Variants in GOLGA8A observed in about 807,000 individuals in gnomAD.
GOLGA8A encodes golgin A8 family member A, also known as golgin subfamily A member 8A.
Under a neutral mutation model 22.1 loss-of-function variants are expected in GOLGA8A, and 3 were observed. That is an observed-to-expected ratio of 0.14 (90% confidence interval 0.06 to 0.35). The LOEUF (loss-of-function observed/expected upper bound fraction) is 0.35. Ranked by LOEUF, GOLGA8A falls within the 10% of genes least tolerant of loss-of-function variation. The pLI, the probability that GOLGA8A is intolerant of heterozygous loss-of-function variation, is 1.00. For synonymous variants in GOLGA8A, 7 were observed against 91.7 expected (o/e 0.08, Z 5.28); for missense variants, 16 against 233.2 (o/e 0.07, Z 6.07).
intron 2 of GOLGA8A, among the ~76,000 whole-genome samples, chr15:34,433,624 C>G (rs1893355136): frequency 6.7e-6 from 1 of 148,776 alleles, no homozygotes; most frequent in Non-Finnish European, 1.5e-5. Flanking sequence ...CTCTGGGACT[C>G]GGGAAAAGGA....
chr15:34,427,188 G>A (rs143387709), intron 2 of GOLGA8A, among the ~76,000 whole-genome samples: 12,377 of 146,952 alleles, frequency 0.084, 1,461 homozygotes, highest in South Asian at 0.24. Flanking sequence ...AAAGTTAGCC[G>A]GGAGTGGTGG....
At chr15:34,431,301 A>ATATATATATATATATAT (rs1893224938) in intron 2 of GOLGA8A, among the ~76,000 whole-genome samples, 1 of 10,872 alleles carries the variant, frequency 9.2e-5, no homozygotes, top group Non-Finnish European at 2.5e-4. Flanking sequence ...TTATATATAT[A>ATATATATATATATATAT]TATATATATA....
chr15:34,381,584 C>G lies in GOLGA8A; in HGVS notation c.1639G>C (p.Val547Leu). The change falls in exon 25 of 25, where the codon GTG becomes CTG. Residue 547 changes from valine (V) to leucine (L), a missense_variant. Coordinates refer to ENST00000359187, the MANE Select transcript of GOLGA8A (RefSeq NM_181077.5). ...CTGGCTTCTCCTTGTGCAGGCTCCA[C>G]GCTGTTGGTGAGGCTCGCCTCACAA... Reference protein sequence around the residue: ...DLCEASLTNSVEPAQGEAREG... With the variant: ...DLCEASLTNSLEPAQGEAREG... 1 of 1,569,826 alleles carries G rather than the reference C, an allele frequency of 6.4e-7. No homozygotes were observed. Among genetic ancestry groups the G allele is most frequent in the African/African-American group, 1.3e-5 (1 of 74,382 alleles).
chr15:34,428,372 G>T (rs1476770020), intron 2 of GOLGA8A, among the ~76,000 whole-genome samples: 2 of 148,484 alleles, frequency 1.3e-5, no homozygotes, highest in Admixed American at 1.4e-4. Context: ...TGGGATTACA[G>T]CATGAACCAC....
chr15:34,408,675 C>T (rs1372316040), intron 2 of GOLGA8A, among the ~76,000 whole-genome samples: 2 of 129,942 alleles, frequency 1.5e-5, no homozygotes, highest in Non-Finnish European at 3.5e-5. Context: ...CTTGGGTCAG[C>T]ACCGCCTCCT....
In GOLGA8A at chr15:34,386,137, G is replaced by A. The variant is rs1159396025; in HGVS notation, c.286-359C>T. On this transcript the variant is annotated intron_variant, in intron 12 of 24. Coordinates refer to ENST00000359187, the MANE Select transcript of GOLGA8A (RefSeq NM_181077.5). ...GGGCCAGGGATGGTTCTTCACAGCC[G>A]ATATAGGATGGAAAAGAACAGACAA... Among the ~76,000 whole-genome samples the A allele has an allele frequency of 3.4e-5, 5 of 148,118 alleles. No homozygotes were observed. In the East Asian group the frequency reaches 5.8e-4, roughly 17 times the overall value.
rs1892030235 is a variant in GOLGA8A at position 34,400,752 on chromosome 15, A to G, written c.-567T>C. On this transcript the variant is annotated 5_prime_UTR_variant, in exon 6 of 25. Transcript: ENST00000359187. ...GGAAGACAACCCAGTTGACAACGACAACAGTTTCTATGATAACAAAAGTGA... is the reference window on the plus strand; with the variant it reads ...GGAAGACAACCCAGTTGACAACGACGACAGTTTCTATGATAACAAAAGTGA... 1 of 146,784 alleles carries G rather than the reference A, an allele frequency of 6.8e-6. No individual in the cohort carries two copies. The highest frequency in any genetic ancestry group is 2.1e-4 in the South Asian group (1 of 4,688). The allele number at this position is 146,784 out of a possible 1,614,324, so 9.1% of individuals were successfully genotyped here.
At chr15:34,430,399 GCACTT>G (rs1893174322) in intron 2 of GOLGA8A, among the ~76,000 whole-genome samples, 1 of 149,038 alleles carries the variant, frequency 6.7e-6, no homozygotes, top group Non-Finnish European at 1.5e-5. Context: ...CAAAACAAAG[GCACTT>G]CTAGTAGGAG....
At chr15:34,436,512 G>C (rs1008900866) in intron 1 of GOLGA8A, among the ~76,000 whole-genome samples, 1 of 149,872 alleles carries the variant, frequency 6.7e-6, no homozygotes, top group Non-Finnish European at 1.5e-5. Context: ...TCTTCTGCCA[G>C]TAAATACTAA....
At chr15:34,423,620 C>A (rs1892867020) in intron 2 of GOLGA8A, among the ~76,000 whole-genome samples, 1 of 148,948 alleles carries the variant, frequency 6.7e-6, no homozygotes, top group Non-Finnish European at 1.5e-5. Context: ...AACGCTAGAA[C>A]ATAAATGACA....
rs114138839 is a variant in GOLGA8A, at chr15:34,435,739, G to A, written c.-1211-268C>T. 6.4e-3 allele frequency among the ~76,000 whole-genome samples: 959 copies of A among 148,734 alleles called. 62 individuals are homozygous for A. The highest frequency in any genetic ancestry group is 0.023 in the African/African-American group (919 of 40,304). On this transcript the variant is annotated intron_variant, in intron 1 of 24. Transcript: ENST00000359187. The stretch of plus-strand genomic sequence containing the variant: ...GCACAGACCACACTTCCTAACAAAT[G>A]AGAGGGAAGACTTCGTGCCCCATTG...
At chr15:34,430,339 G>T (rs1213351370) in intron 2 of GOLGA8A, among the ~76,000 whole-genome samples, 3 of 148,916 alleles carry the variant, frequency 2.0e-5, no homozygotes, top group Non-Finnish European at 3.0e-5. Context: ...TGAACCTTAG[G>T]ACTCAAAGGG....
At chr15:34,431,204 A>T (rs1893213443) in intron 2 of GOLGA8A, among the ~76,000 whole-genome samples, 1 of 145,832 alleles carries the variant, frequency 6.9e-6, no homozygotes, top group Non-Finnish European at 1.5e-5. Context: ...TTAAGAACAG[A>T]TACAACAGTT....
chr15:34,425,756 C>T lies in GOLGA8A; in HGVS notation c.-1123+9627G>A, dbSNP rs1486918999. Among the ~76,000 whole-genome samples the T allele has an allele frequency of 2.0e-5, 3 of 146,480 alleles. 1 individual carries two copies. Among genetic ancestry groups the T allele is most frequent in the African/African-American group, 7.5e-5 (3 of 40,030 alleles). On this transcript the variant is annotated intron_variant, in intron 2 of 24. Transcript: ENST00000359187. ...ATCAACAAGGAAAAGCTTCACAAAT[C>T]AAGAGAAAAACAGGCAAGGATGAAA...
chr15:34,386,079 T>C (rs1299857976), intron 12 of GOLGA8A, among the ~76,000 whole-genome samples: 1 of 146,794 alleles, frequency 6.8e-6, no homozygotes, highest in Non-Finnish European at 1.5e-5. Flanking sequence ...TAGAAAAGTG[T>C]GTTCATTCAA....
intron 2 of GOLGA8A, among the ~76,000 whole-genome samples, chr15:34,432,031 G>A (rs1305305383): frequency 1.3e-5 from 2 of 149,344 alleles, no homozygotes; most frequent in Non-Finnish European, 3.0e-5. Flanking sequence ...CCTCAGAACT[G>A]TCTTTGCCTG....
chr15:34,425,011 C>T (rs1892924131), intron 2 of GOLGA8A, among the ~76,000 whole-genome samples: 1 of 146,120 alleles, frequency 6.8e-6, no homozygotes, highest in Admixed American at 7.0e-5. Flanking sequence ...CACTTGAGAC[C>T]AGGAAGTCAA....
In GOLGA8A at chr15:34,435,819, C is replaced by T. The variant is rs1359600252; in HGVS notation, c.-1211-348G>A. 1.3e-5 allele frequency among the ~76,000 whole-genome samples: 2 copies of T among 148,670 alleles called. 1 individual carries two copies. The highest frequency in any genetic ancestry group is 5.0e-5 in the African/African-American group (2 of 39,974). On this transcript the variant is annotated intron_variant, in intron 1 of 24. Coordinates refer to ENST00000359187, the MANE Select transcript of GOLGA8A (RefSeq NM_181077.5). Reference sequence around the variant, plus strand: ...GAGGGAGCCCACTCCAAGGGCCCCCCTGCCAGTACTGCTAGAGCCCACCGA... The same window carrying T: ...GAGGGAGCCCACTCCAAGGGCCCCCTTGCCAGTACTGCTAGAGCCCACCGA...
intron 2 of GOLGA8A, chr15:34,420,319 G>A (rs1411750101): frequency 6.9e-6 from 1 of 144,578 alleles, no homozygotes; most frequent in Non-Finnish European, 1.5e-5. Flanking sequence ...AGTGACAGGG[G>A]CGTGATTTAC....
Sources: gnomAD v4.1 joint callset for allele counts (sites outside exome capture counted in the v4.1 genomes callset) on GRCh38, gnomAD v4.1.1 for gene constraint, MANE v1.5 for transcripts, NCBI Gene and HGNC (gene_info 2026-07-23, HGNC 2026-07-21) for gene names.